SEMA4D: variants seen among roughly 807,000 people sequenced by gnomAD.
SEMA4D encodes the protein semaphorin 4D.
SEMA4D carries 22 observed loss-of-function variants against 74.8 expected under a neutral mutation model. The observed-to-expected ratio is 0.29, with a 90% CI of 0.21 to 0.42. The LOEUF is 0.42. Among genes scored for constraint, SEMA4D ranks in the 10% least tolerant of loss-of-function variants. The pLI, the probability that SEMA4D is intolerant of heterozygous loss-of-function variation, is 1.00. For synonymous variants in SEMA4D, 445 were observed against 463.7 expected, an observed-to-expected ratio of 0.96 and a Z score of 0.52; for missense variants, 937 against 1,118.4, an observed-to-expected ratio of 0.84 and a Z score of 2.31.
chr9:89,364,151 G>T (rs1270462424), intron 16 of SEMA4D: 10 of 1,076,274 alleles, frequency 9.3e-6, no homozygotes. Context: ...CCGTCCTGTG[G>T]ACTTCCTGCT....
In SEMA4D at chr9:89,393,664, G is replaced by T; in HGVS notation, c.415-9C>A. 1 of 1,594,926 alleles carries T rather than the reference G, an allele frequency of 6.3e-7. No individual in the cohort carries two copies. The highest frequency in any genetic ancestry group is 1.1e-5 in the South Asian group (1 of 90,670). ...TTAAAGGATGTTAAGTTCTACAATT[G>T]AATAAAAAGAGAGCACATCATCAGA... On this transcript the variant is annotated splice_polypyrimidine_tract_variant and intron_variant, in intron 6 of 15. Transcript: ENST00000422704.
intron 1 of SEMA4D, among the ~76,000 whole-genome samples, chr9:89,488,175 T>C (rs1317833521): frequency 6.6e-6 from 1 of 152,110 alleles, no homozygotes; most frequent in Admixed American, 6.5e-5. Flanking sequence ...CACACAGATA[T>C]GGTCAATTAC....
chr9:89,388,627 C>T lies in SEMA4D; in HGVS notation c.1107+9G>A. 1.3e-6 allele frequency: 2 copies of T among 1,594,602 alleles called. No individual in the cohort carries two copies. The highest frequency in any genetic ancestry group is 8.5e-7 in the Non-Finnish European group (1 of 1,177,222). ...GAAAGCACGGCCCGCCCCCAGTGCC[C>T]CAGCTCACCGCTCCAGGCCGCGGCT... On this transcript the variant is annotated intron_variant, in intron 11 of 15. Transcript: ENST00000422704.
At chr9:89,385,157 T>G (rs1838161341) in intron 13 of SEMA4D, 1 of 883,016 alleles carries the variant, frequency 1.1e-6, no homozygotes. Flanking sequence ...TAACCCCCTC[T>G]GTGCGGCCCT....
chr9:89,402,749 G>T, intron 4 of SEMA4D, 122 bp downstream of exon 4: 2 of 1,049,562 alleles, frequency 1.9e-6, no homozygotes, highest in Non-Finnish European at 2.8e-6. Context: ...AGATGGGGCT[G>T]CATGGTCACA....
intron 1 of SEMA4D, among the ~76,000 whole-genome samples, chr9:89,497,611 G>A (rs1826133813): frequency 6.6e-6 from 1 of 151,700 alleles, no homozygotes; most frequent in Admixed American, 6.6e-5. Flanking sequence ...CCTGCGCGCA[G>A]GGACTGGGGA....
chr9:89,385,983 C>T (rs1398187562), intron 13 of SEMA4D: 2 of 982,650 alleles, frequency 2.0e-6, no homozygotes, highest in African/African-American at 3.6e-5. Context: ...TGTGGATTTT[C>T]CACGGTGACG....
intron 2 of SEMA4D, among the ~76,000 whole-genome samples, chr9:89,419,117 C>T (rs993664174): frequency 2.6e-5 from 4 of 152,010 alleles, no homozygotes; most frequent in South Asian, 2.1e-4. Context: ...CCCTCGGGGC[C>T]GACACATCCT....
chr9:89,407,921 C>G (rs1843658472), intron 2 of SEMA4D, among the ~76,000 whole-genome samples: 1 of 152,254 alleles, frequency 6.6e-6, no homozygotes, highest in Admixed American at 6.5e-5. Context: ...GAGGCTTTTC[C>G]TCTGTATAAC....
intron 1 of SEMA4D, among the ~76,000 whole-genome samples, chr9:89,461,725 CAG>C (rs1302648402): frequency 8.5e-5 from 4 of 46,974 alleles, no homozygotes; most frequent in Non-Finnish European, 1.9e-4. Flanking sequence ...TTTTTGGAGA[CAG>C]AGTCTCGCTC....
intron 1 of SEMA4D, among the ~76,000 whole-genome samples, chr9:89,493,268 C>A (rs1825764490): frequency 6.6e-6 from 1 of 152,212 alleles, no homozygotes; most frequent in Admixed American, 6.5e-5. Flanking sequence ...TAAGTGTGAT[C>A]CAGATGGGGG....
At position 89,392,456 on chromosome 9, in the gene SEMA4D, G is replaced by A. The variant is rs1840069810; in HGVS notation, c.589C>T (p.Leu197=). 1.2e-6 allele frequency: 2 copies of A among 1,613,708 alleles called. No individual in the cohort carries two copies. Among genetic ancestry groups the A allele is most frequent in the Non-Finnish European group, 1.7e-6 (2 of 1,179,758 alleles). Residue 197 remains leucine, a synonymous_variant, in exon 8 of 16, where the codon CTG becomes TTG. Transcript: ENST00000422704. ...CAAGGGATTGCATATTCTGTCCTCA[G>A]AGGACTGTGGGAAGAATTTCGGGAG... ...IISRNSSHSP[L]RTEYAIPWLN...
In SEMA4D at chr9:89,475,656, G is replaced by A. The variant is rs1475375149; in HGVS notation, c.-309-19703C>T. 2.6e-5 allele frequency among the ~76,000 whole-genome samples: 4 copies of A among 152,172 alleles called. No individual in the cohort carries two copies. In the East Asian group the frequency reaches 5.8e-4, roughly 22 times the overall value. Reference sequence around the variant, plus strand: ...GCAGCTCCCATCCAGTCCAGACCAAGCCTGCCGTGGACCACCAGGCTGTGT... The same window carrying A: ...GCAGCTCCCATCCAGTCCAGACCAAACCTGCCGTGGACCACCAGGCTGTGT... On this transcript the variant is annotated intron_variant, in intron 1 of 15. Coordinates refer to ENST00000422704, the MANE Select transcript of SEMA4D (RefSeq NM_001371194.2).
chr9:89,493,210 G>A (rs1825760401), intron 1 of SEMA4D, among the ~76,000 whole-genome samples: 2 of 152,210 alleles, frequency 1.3e-5, no homozygotes, highest in Admixed American at 6.5e-5. Flanking sequence ...GACCTGCCCA[G>A]ATGGCTCAGC....
At chr9:89,432,305 T>G (rs1298132213) in intron 2 of SEMA4D, among the ~76,000 whole-genome samples, 1 of 152,200 alleles carries the variant, frequency 6.6e-6, no homozygotes, top group Non-Finnish European at 1.5e-5. Context: ...TTTTACTAGA[T>G]AGTGGAACTG....
intron 3 of SEMA4D, among the ~76,000 whole-genome samples, chr9:89,403,301 A>AC (rs1441496700): frequency 1.3e-5 from 2 of 152,178 alleles, no homozygotes; most frequent in Non-Finnish European, 2.9e-5. Flanking sequence ...TGTGAGTCGG[A>AC]CATCCCTTCC....
At chr9:89,449,177 G>A (rs557230441) in intron 2 of SEMA4D, among the ~76,000 whole-genome samples, 5 of 152,334 alleles carry the variant, frequency 3.3e-5, no homozygotes, top group African/African-American at 1.2e-4. Context: ...GGTGAAACCT[G>A]GCTATTTGCT....
chr9:89,411,188 G>T (rs1262778929), intron 2 of SEMA4D, among the ~76,000 whole-genome samples: 1 of 152,182 alleles, frequency 6.6e-6, no homozygotes, highest in Non-Finnish European at 1.5e-5. Flanking sequence ...TCTCAGAAAT[G>T]CATTTTAAGG....
intron 2 of SEMA4D, among the ~76,000 whole-genome samples, chr9:89,416,630 C>T (rs1187084006): frequency 6.6e-6 from 1 of 152,170 alleles, no homozygotes. Context: ...CAAATGCACA[C>T]ACATGAACGT....
Sources: allele counts gnomAD v4.1 joint callset (sites outside exome capture counted in the v4.1 genomes callset), GRCh38; gene constraint gnomAD v4.1.1; transcripts MANE v1.5; gene names NCBI Gene and HGNC (gene_info 2026-07-23, HGNC 2026-07-21).